ZNRD2: variants seen among roughly 807,000 people sequenced by gnomAD.
ZNRD2 encodes zinc ribbon domain containing 2.
ZNRD2 carries 16 observed loss-of-function variants against 22.0 expected under a neutral mutation model. The ratio of observed to expected loss-of-function variants is 0.73; its 90% CI spans 0.49 to 1.11. The LOEUF (loss-of-function observed/expected upper bound fraction) is 1.11. ZNRD2 is among the 50% of genes least tolerant of loss of function. The pLI, the probability that ZNRD2 is intolerant of heterozygous loss-of-function variation, is 0.00. For missense variants in ZNRD2, 269 were observed against 258.9 expected (o/e 1.04, Z -0.27); for synonymous variants, 105 against 109.8 (o/e 0.96, Z 0.27).
rs754946127 is a variant in ZNRD2, at chr11:65,570,655, T to A, written c.71T>A (p.Leu24Gln). The A allele has an allele frequency of 2.5e-6, 4 of 1,613,944 alleles. No homozygotes were observed. In the Admixed American group the frequency reaches 6.7e-5, roughly 27 times the overall value. The change falls in exon 2 of 4, where the codon CTG becomes CAG. Residue 24 changes from leucine (L) to glutamine (Q), a missense_variant. By Grantham distance (113) the Leu-to-Gln change is moderately radical. Transcript: ENST00000309328. ...EPPTEAETKV[L>Q]QARRERQDRI... ...CCGACTGAGGCGGAGACGAAGGTGC[T>A]GCAGGCGCGACGGGAGCGGCAAGAT...
At position 65,571,657 on chromosome 11, in the gene ZNRD2, G is replaced by GA; in HGVS notation, c.524dup (p.Thr176AspfsTer2). ...TGAACTGGGCTCTAGCACCTCCCTGGAGACTAGCATCCAGCTGTGTGGCCT... is the reference window on the plus strand; with the variant it reads ...TGAACTGGGCTCTAGCACCTCCCTGGAAGACTAGCATCCAGCTGTGTGGCCT... On this transcript the variant is annotated frameshift_variant, in exon 4 of 4. Coordinates refer to ENST00000309328, the MANE Select transcript of ZNRD2 (RefSeq NM_006396.3). LOFTEE classifies it high-confidence loss of function. 1.2e-6 allele frequency: 2 copies of GA among 1,614,068 alleles called. No homozygotes were observed. Among genetic ancestry groups the GA allele is most frequent in the Non-Finnish European group, 1.7e-6 (2 of 1,180,028 alleles).
In ZNRD2 at chr11:65,570,985, T is replaced by G. The variant is rs1388037121; in HGVS notation, c.256+15T>G. ...AGATAATCCCGGTAAGAGTAAAAAA[T>G]AATCCGGGAGAGGGGCCGGATATGC... On this transcript the variant is annotated intron_variant, in intron 3 of 3. Transcript: ENST00000309328. The G allele has an allele frequency of 1.1e-5, 17 of 1,612,446 alleles. No homozygotes were observed. The highest frequency in any genetic ancestry group is 1.4e-5 in the Non-Finnish European group (16 of 1,178,822).
chr11:65,571,823 C>T lies in ZNRD2; in HGVS notation c.*89C>T, dbSNP rs978231570. On this transcript the variant is annotated 3_prime_UTR_variant, in exon 4 of 4. Transcript: ENST00000309328. ...CTGGTTCCAAGTGTGCATGCCAGCC[C>T]CAGCTCCACTCACCTTTTTCCAGCT... 3 of 1,450,128 alleles carry T rather than the reference C, an allele frequency of 2.1e-6. No individual in the cohort carries two copies. In the African/African-American group the frequency reaches 4.3e-5, roughly 21 times the overall value. The allele number at this position is 1,450,128 out of a possible 1,614,324, so 89.8% of individuals were successfully genotyped here.
Position 65,570,682 on chromosome 11 carries a change from G to T in ZNRD2, c.98G>T (p.Arg33Leu), listed in dbSNP as rs1473448749. ...CAGGCGCGACGGGAGCGGCAAGATC[G>T]CATCTCCCGGCTCATGGGCGACTAT... ...VLQARRERQD[R>L]ISRLMGDYLL... The change falls in exon 2 of 4, where the codon CGC becomes CTC. Residue 33 changes from arginine (R) to leucine (L), a missense_variant. Physicochemically the swap from Arg to Leu is moderately radical, Grantham distance 102. Coordinates refer to ENST00000309328, the MANE Select transcript of ZNRD2 (RefSeq NM_006396.3). 6.2e-7 allele frequency: 1 copy of T among 1,613,606 alleles called. No homozygotes were observed. The highest frequency in any genetic ancestry group is 8.5e-7 in the Non-Finnish European group (1 of 1,179,964).
In ZNRD2 at chr11:65,571,739, A is replaced by G. The variant is rs1413007953; in HGVS notation, c.*5A>G. ...CTGCAGCAGCTACAGCACTAAGAGA[A>G]GCCCCTGAGAAAAACCCTCTAGAAA... On this transcript the variant is annotated 3_prime_UTR_variant, in exon 4 of 4. Coordinates refer to ENST00000309328, the MANE Select transcript of ZNRD2 (RefSeq NM_006396.3). 6.3e-7 allele frequency: 1 copy of G among 1,581,542 alleles called. No homozygotes were observed. The highest frequency in any genetic ancestry group is 8.6e-7 in the Non-Finnish European group (1 of 1,163,592).
chr11:65,571,352 G>A, intron 3 of ZNRD2, 39 bp from the exon 4 acceptor site: 1 of 1,540,726 alleles, frequency 6.5e-7, no homozygotes, highest in Non-Finnish European at 8.8e-7. Context: ...AGGTGGGCCA[G>A]GCATCCTGAC....
rs781747587 is a variant in ZNRD2 at position 65,570,490 on chromosome 11, A to C, written c.-2A>C. On this transcript the variant is annotated 5_prime_UTR_variant, in exon 1 of 4. Coordinates refer to ENST00000309328, the MANE Select transcript of ZNRD2 (RefSeq NM_006396.3). ...TGTGAGCCCGGCGGTGACAACGGCA[A>C]CATGGCCCTGAACGGAGCTGGTGAG... 6.2e-7 allele frequency: 1 copy of C among 1,613,732 alleles called. No homozygotes were observed. Among genetic ancestry groups the C allele is most frequent in the East Asian group, 2.2e-5 (1 of 44,880 alleles).
rs1338257127 is a variant in ZNRD2 at position 65,570,497 on chromosome 11, C to G, written c.6C>G (p.Ala2=). 1 of 1,613,780 alleles carries G rather than the reference C, an allele frequency of 6.2e-7. No homozygotes were observed. Among genetic ancestry groups the G allele is most frequent in the South Asian group, 1.1e-5 (1 of 91,080 alleles). Residue 2 remains alanine, a synonymous_variant, in exon 1 of 4, where the codon GCC becomes GCG. Transcript: ENST00000309328. ...CCGGCGGTGACAACGGCAACATGGC[C>G]CTGAACGGAGCTGGTGAGGACCTGG... M[A]LNGAEVDDFS...
Position 65,571,528 on chromosome 11 carries a change from C to T in ZNRD2, c.394C>T (p.Leu132Phe). 2.5e-6 allele frequency: 4 copies of T among 1,613,988 alleles called. No individual in the cohort carries two copies. The highest frequency in any genetic ancestry group is 3.4e-6 in the Non-Finnish European group (4 of 1,180,038). ...GCACTGTGAGGGAGCTGCAGCAGGA[C>T]TCAAGGCAGCCCAGGGGCCACCTGC... ...PEHCEGAAAG[L>F]KAAQGPPAPA... is the part of the protein sequence containing the mutation. The change falls in exon 4 of 4, where the codon CTC becomes TTC. Residue 132 changes from leucine (L) to phenylalanine (F), a missense_variant. Leu to Phe is a conservative substitution (Grantham distance 22). Transcript: ENST00000309328.
rs1480464413 is a variant in ZNRD2, at chr11:65,570,525, G to C, written c.19+15G>C. On this transcript the variant is annotated intron_variant, in intron 1 of 3. Transcript: ENST00000309328. The stretch of plus-strand genomic sequence containing the variant: ...GAACGGAGCTGGTGAGGACCTGGGC[G>C]GCAGGGGTTTGTGGCTGTGAGGTAC... 8.1e-6 allele frequency: 13 copies of C among 1,613,886 alleles called. No individual in the cohort carries two copies. In the South Asian group the frequency reaches 1.4e-4, roughly 18 times the overall value.
At position 65,571,473 on chromosome 11, in the gene ZNRD2, T is replaced by G. The variant is rs2236684; in HGVS notation, c.339T>G (p.Pro113=). Residue 113 remains proline (P), a synonymous_variant, in exon 4 of 4, where the codon CCT becomes CCG. Transcript: ENST00000309328. ...CAGAGCTCCCCCTGGGCTCTCGACC[T>G]GCGCCCCAGCCCCCAGTACCTCGTC... is the stretch of plus-strand genomic sequence containing the variant. ...SASELPLGSR[P]APQPPVPRPE... 94,055 of 1,613,634 alleles carry G rather than the reference T, an allele frequency of 0.058. 3,331 individuals carry two copies. Among genetic ancestry groups the G allele is most frequent in the South Asian group, 0.13 (12,212 of 91,084 alleles).
chr11:65,571,866 TC>T lies in ZNRD2; in HGVS notation c.*134del. 1 of 1,314,134 alleles carries T rather than the reference TC, an allele frequency of 7.6e-7. No homozygotes were observed. The highest frequency in any genetic ancestry group is 1.6e-5 in the South Asian group (1 of 64,260). 81.4% of individuals were successfully genotyped at this position (1,314,134 alleles called of 1,614,324 possible). On this transcript the variant is annotated 3_prime_UTR_variant, in exon 4 of 4. Transcript: ENST00000309328. ...TTCCAGCTTTTGGCCTCTTCACCTCTCCACTCTGCTCTCCTTGACGCCCTGA... is the reference window on the plus strand; with the variant it reads ...TTCCAGCTTTTGGCCTCTTCACCTCTCACTCTGCTCTCCTTGACGCCCTGA...
chr11:65,570,663 C>T lies in ZNRD2; in HGVS notation c.79C>T (p.Arg27Ter). 2 of 1,613,900 alleles carry T rather than the reference C, an allele frequency of 1.2e-6. No homozygotes were observed. The highest frequency in any genetic ancestry group is 1.3e-5 in the African/African-American group (1 of 75,068). Reference protein sequence around the residue: ...TEAETKVLQARRERQDRISRL... With the variant: ...TEAETKVLQA ...GGCGGAGACGAAGGTGCTGCAGGCG[C>T]GACGGGAGCGGCAAGATCGCATCTC... Residue 27 changes from arginine (R) to a stop codon, truncating the protein, a stop_gained, in exon 2 of 4, where the codon CGA becomes TGA. Transcript: ENST00000309328. LOFTEE classifies it high-confidence loss of function.
At chr11:65,570,542 G>A in intron 1 of ZNRD2, 32 bp downstream of exon 1, 1 of 1,613,940 alleles carries the variant, frequency 6.2e-7, no homozygotes, top group Non-Finnish European at 8.5e-7. Flanking sequence ...GTTTGTGGCT[G>A]TGAGGTACGG....
In ZNRD2 at chr11:65,570,675, C is replaced by A; in HGVS notation, c.91C>A (p.Gln31Lys). Residue 31 changes from glutamine (Q) to lysine (K), a missense_variant, in exon 2 of 4, where the codon CAA becomes AAA. Transcript: ENST00000309328. ...GGTGCTGCAGGCGCGACGGGAGCGG[C>A]AAGATCGCATCTCCCGGCTCATGGG... is the stretch of plus-strand genomic sequence containing the variant. Reference protein sequence around the residue: ...TKVLQARRERQDRISRLMGDY... With the variant: ...TKVLQARRERKDRISRLMGDY... 1 of 1,613,850 alleles carries A rather than the reference C, an allele frequency of 6.2e-7. No homozygotes were observed. Among genetic ancestry groups the A allele is most frequent in the Non-Finnish European group, 8.5e-7 (1 of 1,179,960 alleles).
Position 65,571,874 on chromosome 11 carries a change from GCTC to G in ZNRD2, c.*141_*143del. 1 of 1,277,392 alleles carries G rather than the reference GCTC, an allele frequency of 7.8e-7. No homozygotes were observed. The highest frequency in any genetic ancestry group is 1.5e-5 in the African/African-American group (1 of 66,510). The allele number at this position is 1,277,392 out of a possible 1,614,324, so 79.1% of individuals were successfully genotyped here. A position where few individuals can be genotyped will look rare whatever the true frequency, so the allele number is the denominator to read the frequency against. On this transcript the variant is annotated 3_prime_UTR_variant, in exon 4 of 4. Transcript: ENST00000309328. ...TTTGGCCTCTTCACCTCTCCACTCT[GCTC>G]TCCTTGACGCCCTGAGATGAGTTGA...
chr11:65,570,878 G>A lies in ZNRD2; in HGVS notation c.172-8G>A, dbSNP rs754225482. 6.2e-7 allele frequency: 1 copy of A among 1,614,114 alleles called. No homozygotes were observed. The highest frequency in any genetic ancestry group is 8.5e-7 in the Non-Finnish European group (1 of 1,179,992). On this transcript the variant is annotated splice_region_variant and splice_polypyrimidine_tract_variant and intron_variant, in intron 2 of 3. Transcript: ENST00000309328. ...TCATTCCGGCCCCGTGTGCTTTTTG[G>A]TCCGTAGACGATCCTCCTCCAAGAC...
intron 3 of ZNRD2, 134 bp from the exon 4 acceptor site, chr11:65,571,257 A>C (rs1857119824): frequency 3.5e-6 from 4 of 1,147,796 alleles, no homozygotes; most frequent in Non-Finnish European, 4.8e-6. Context: ...CAAAGTAGAA[A>C]GTGGATGAGT....
chr11:65,570,849 C>T (rs1427535811), intron 2 of ZNRD2, 37 bp from the exon 3 acceptor site: 20 of 1,613,232 alleles, frequency 1.2e-5, no homozygotes, highest in South Asian at 4.4e-5. Context: ...CCATTGCCGG[C>T]GTCTCATTCC....
Sources: gnomAD v4.1 joint callset for allele counts on GRCh38, gnomAD v4.1.1 for gene constraint, MANE v1.5 for transcripts, NCBI Gene and HGNC (gene_info 2026-07-23, HGNC 2026-07-21) for gene names.